PCDHGA10: variants seen among roughly 807,000 people sequenced by gnomAD.
PCDHGA10 encodes the protein protocadherin gamma subfamily A, 10.
A neutral mutation model predicts 59.5 loss-of-function variants in PCDHGA10; 42 were observed. That is an observed-to-expected ratio of 0.71 (90% confidence interval 0.55 to 0.91). PCDHGA10 has a LOEUF of 0.91. PCDHGA10 is among the 40% of genes least tolerant of loss of function. PCDHGA10 has a pLI of 0.00. For synonymous variants in PCDHGA10, 511 were observed against 517.2 expected (o/e 0.99, Z 0.16); for missense variants, 1,111 against 1,198.2 (o/e 0.93, Z 1.07).
chr5:141,504,242 GTTC>G (rs903218038), intron 2 of PCDHGA10, among the ~76,000 whole-genome samples: 25 of 152,170 alleles, frequency 1.6e-4, no homozygotes, highest in African/African-American at 5.1e-4. Context: ...GAAGCAGAGA[GTTC>G]TTCTTATGGT....
At chr5:141,442,682 T>C (rs1591733469) in intron 1 of PCDHGA10, among the ~76,000 whole-genome samples, 1 of 152,218 alleles carries the variant, frequency 6.6e-6, no homozygotes, top group East Asian at 1.9e-4. Context: ...TGAGGGACAG[T>C]AGTCAGGCAG....
chr5:141,423,875 A>G (rs1354115544), intron 1 of PCDHGA10: 8 of 1,282,448 alleles, frequency 6.2e-6, no homozygotes, highest in African/African-American at 3.1e-5. Context: ...TCATTTTTCA[A>G]TCTTGGCATA....
At chr5:141,471,444 A>G (rs1366430114) in intron 1 of PCDHGA10, 1 of 152,150 alleles carries the variant, frequency 6.6e-6, no homozygotes, top group Non-Finnish European at 1.5e-5. Context: ...AATCTCATGT[A>G]CCTTTTGAAA....
chr5:141,490,417 C>A lies in PCDHGA10; in HGVS notation c.2437-4390C>A, dbSNP rs767996336. ...AGTGAGCCTTGATATCTCTCCGGAC[C>A]TGCCATTTCAGATTAAGCCTTCTGA... On this transcript the variant is annotated intron_variant, in intron 1 of 3. Transcript: ENST00000398610. The surrounding 1 kb of genome is among the most constrained non-coding windows in gnomAD (Gnocchi z 5.4). 4.3e-6 allele frequency: 7 copies of A among 1,614,196 alleles called. No homozygotes were observed. In the South Asian group the frequency reaches 7.7e-5, roughly 18 times the overall value.
chr5:141,422,431 T>G, intron 1 of PCDHGA10: 1 of 1,608,846 alleles, frequency 6.2e-7, no homozygotes, highest in Non-Finnish European at 8.5e-7. Flanking sequence ...TTATGGAAAT[T>G]ATTACAAATT....
At chr5:141,473,010 AAAAG>A (rs1014377988) in intron 1 of PCDHGA10, among the ~76,000 whole-genome samples, 22 of 151,958 alleles carry the variant, frequency 1.4e-4, no homozygotes, top group Admixed American at 7.9e-4. Context: ...AAGAAAAAGA[AAAAG>A]AAAGAAGGAA....
intron 2 of PCDHGA10, among the ~76,000 whole-genome samples, chr5:141,497,879 G>A (rs62379207): frequency 4.6e-4 from 70 of 152,244 alleles, no homozygotes; most frequent in Non-Finnish European, 8.2e-4. Flanking sequence ...TGAAATAAGC[G>A]TTAGGATCTA....
At position 141,487,946 on chromosome 5, in the gene PCDHGA10, C is replaced by G. The variant is rs187890859; in HGVS notation, c.2437-6861C>G. 7.9e-5 allele frequency among the ~76,000 whole-genome samples: 12 copies of G among 152,298 alleles called. No homozygotes were observed. The highest frequency in any genetic ancestry group is 7.8e-4 in the Admixed American group (12 of 15,304). Reference sequence around the variant, plus strand: ...AGTGCACAGGGTACAGTGCACCAGGCAGTCACTTGGACAAAGGTGGCTGTT... The same window carrying G: ...AGTGCACAGGGTACAGTGCACCAGGGAGTCACTTGGACAAAGGTGGCTGTT... On this transcript the variant is annotated intron_variant, in intron 1 of 3. Transcript: ENST00000398610. The surrounding 1 kb of genome is among the most constrained non-coding windows in gnomAD (Gnocchi z 5.0).
At chr5:141,455,984 G>A (rs1405675950) in intron 1 of PCDHGA10, among the ~76,000 whole-genome samples, 2 of 151,492 alleles carry the variant, frequency 1.3e-5, no homozygotes, top group East Asian at 1.9e-4. Context: ...TGCAAGCTCC[G>A]CCTCTCGGGT....
At position 141,486,622 on chromosome 5, in the gene PCDHGA10, C is replaced by T. The variant is rs1320329216; in HGVS notation, c.2437-8185C>T. On this transcript the variant is annotated intron_variant, in intron 1 of 3. Coordinates refer to ENST00000398610, the MANE Select transcript of PCDHGA10 (RefSeq NM_018913.3). The surrounding 1 kb of genome is among the most constrained non-coding windows in gnomAD (Gnocchi z 5.0). ...GCTCCCTTGCAGCCTCTGACCCAGACTCTGGCTTGAATGCGCTTATCTCCT... is the reference window on the plus strand; with the variant it reads ...GCTCCCTTGCAGCCTCTGACCCAGATTCTGGCTTGAATGCGCTTATCTCCT... 6.2e-7 allele frequency: 1 copy of T among 1,613,574 alleles called. No individual in the cohort carries two copies. The highest frequency in any genetic ancestry group is 8.5e-7 in the Non-Finnish European group (1 of 1,180,042).
chr5:141,441,825 C>A, intron 1 of PCDHGA10: 1 of 357,252 alleles, frequency 2.8e-6, no homozygotes, highest in Non-Finnish European at 5.5e-6. Flanking sequence ...CTCTGGAGCG[C>A]AATGGCTTCG....
At position 141,413,316 on chromosome 5, in the gene PCDHGA10, T is replaced by C. The variant is rs769316460; in HGVS notation, c.141T>C (p.Ser47=). The change falls in exon 1 of 4, where the codon TCT becomes TCC. Residue 47 remains serine, a synonymous_variant. Transcript: ENST00000398610. ...TTCCTGAGGAATTAGAGAAAGGCTC[T>C]TTCGTGGGCAACATCTCCAAGGACT... is the stretch of plus-strand genomic sequence containing the variant. The part of the protein sequence containing the change: ...YSIPEELEKG[S]FVGNISKDLG... 13 of 1,613,976 alleles carry C rather than the reference T, an allele frequency of 8.1e-6. No homozygotes were observed. The highest frequency in any genetic ancestry group is 1.1e-5 in the Non-Finnish European group (13 of 1,179,906).
rs2099706000 is a variant in PCDHGA10 at position 141,490,911 on chromosome 5, G to A, written c.2437-3896G>A. 1 of 1,613,722 alleles carries A rather than the reference G, an allele frequency of 6.2e-7. No individual in the cohort carries two copies. Among genetic ancestry groups the A allele is most frequent in the Non-Finnish European group, 8.5e-7 (1 of 1,179,746 alleles). Reference sequence around the variant, plus strand: ...CTCTGCATGTGTTTGTCCTAGACGAGAATGATAATGCCCCAGCTGTGCTGC... The same window carrying A: ...CTCTGCATGTGTTTGTCCTAGACGAAAATGATAATGCCCCAGCTGTGCTGC... On this transcript the variant is annotated intron_variant, in intron 1 of 3. Coordinates refer to ENST00000398610, the MANE Select transcript of PCDHGA10 (RefSeq NM_018913.3). This position sits in a 1 kb window ranked among gnomAD's most constrained non-coding sequence, Gnocchi z 5.4.
At chr5:141,510,238 A>C (rs2099880007) in intron 3 of PCDHGA10, among the ~76,000 whole-genome samples, 1 of 149,340 alleles carries the variant, frequency 6.7e-6, no homozygotes, top group Non-Finnish European at 1.5e-5. Flanking sequence ...GCGCCACTGC[A>C]CTCCAGGCTG....
intron 1 of PCDHGA10, among the ~76,000 whole-genome samples, chr5:141,484,723 G>T (rs930331672): frequency 1.3e-5 from 2 of 151,930 alleles, no homozygotes; most frequent in Non-Finnish European, 2.9e-5. Flanking sequence ...AAGGGGCGGG[G>T]TCAGTCGGTG....
chr5:141,423,983 C>T, intron 1 of PCDHGA10: 5 of 1,107,052 alleles, frequency 4.5e-6, no homozygotes, highest in Non-Finnish European at 5.6e-6. Context: ...GTATGAGGCT[C>T]TCAATTTATT....
intron 1 of PCDHGA10, among the ~76,000 whole-genome samples, chr5:141,455,594 G>A (rs1263100982): frequency 6.6e-6 from 1 of 152,112 alleles, no homozygotes; most frequent in Non-Finnish European, 1.5e-5. Context: ...ATATGCAAAC[G>A]TAGGGCGCCA....
At chr5:141,417,302 G>A (rs1267397415) in intron 1 of PCDHGA10, 1 of 152,270 alleles carries the variant, frequency 6.6e-6, no homozygotes, top group Non-Finnish European at 1.5e-5. Context: ...GCCTCTGGAT[G>A]GAGGAATTGG....
intron 1 of PCDHGA10, among the ~76,000 whole-genome samples, chr5:141,467,820 G>T (rs1278112158): frequency 6.6e-6 from 1 of 151,884 alleles, no homozygotes; most frequent in African/African-American, 2.4e-5. Flanking sequence ...CACCACACCA[G>T]GCTGATTTTT....
Sources: gnomAD v4.1 joint callset for allele counts (sites outside exome capture counted in the v4.1 genomes callset) on GRCh38, gnomAD v4.1.1 for gene constraint, Gnocchi (gnomAD v3.1) non-coding constraint, MANE v1.5 for transcripts, NCBI Gene and HGNC (gene_info 2026-07-23, HGNC 2026-07-21) for gene names.